Variants in SAV1 observed in about 807,000 individuals in gnomAD.
SAV1 encodes the protein protein salvador homolog 1.
In SAV1, 23 loss-of-function variants were observed where a neutral mutation model predicts 47.3. The observed-to-expected ratio is 0.49, with a 90% CI of 0.35 to 0.69. SAV1 has a LOEUF of 0.69. Among genes scored for constraint, SAV1 ranks in the 30% least tolerant of loss-of-function variants. The probability of loss-of-function intolerance (pLI) is 0.01; values close to 1 mark genes in which losing one functional copy is unlikely to be tolerated. For synonymous variants in SAV1, 155 were observed against 159.2 expected (o/e 0.97, Z 0.20); for missense variants, 448 against 457.4 (o/e 0.98, Z 0.19).
chr14:50,663,802 G>T (rs2039879230), intron 2 of SAV1, among the ~76,000 whole-genome samples: 1 of 152,170 alleles, frequency 6.6e-6, no homozygotes, highest in Non-Finnish European at 1.5e-5. Flanking sequence ...AAAATCACTT[G>T]TCTTTCCGAA....
At chr14:50,667,178 TG>T (rs2039908393) in intron 1 of SAV1, among the ~76,000 whole-genome samples, 1 of 149,244 alleles carries the variant, frequency 6.7e-6, no homozygotes, top group South Asian at 2.1e-4. Context: ...GGACCGGAGG[TG>T]GGGATTGGGA....
intron 4 of SAV1, among the ~76,000 whole-genome samples, chr14:50,636,521 TTC>T (rs2039635780): frequency 6.6e-6 from 1 of 152,176 alleles, no homozygotes; most frequent in South Asian, 2.1e-4. Flanking sequence ...TCACAAAAGA[TTC>T]TGTTTACATA....
At position 50,634,340 on chromosome 14, in the gene SAV1, TTTTA is replaced by T. The variant is rs1566738220; in HGVS notation, c.*839_*842del. 3.7e-6 allele frequency: 1 copy of T among 271,700 alleles called. No individual in the cohort carries two copies. The highest frequency in any genetic ancestry group is 7.6e-6 in the Non-Finnish European group (1 of 132,332). The allele number at this position is 271,700 out of a possible 1,614,324, so 16.8% of individuals were successfully genotyped here. A position where few individuals can be genotyped will look rare whatever the true frequency, so the allele number is the denominator to read the frequency against. On this transcript the variant is annotated 3_prime_UTR_variant, in exon 5 of 5. Transcript: ENST00000324679. ...GCTTTAAAAGGATTCCTTATTTTGT[TTTTA>T]TTTTTTTATTTTTTATTTTTTGAGA...
intron 2 of SAV1, among the ~76,000 whole-genome samples, chr14:50,659,764 T>C (rs1327287938): frequency 6.6e-6 from 1 of 152,178 alleles, no homozygotes; most frequent in Non-Finnish European, 1.5e-5. Flanking sequence ...GAGGATTGCT[T>C]GAGCCCGAGG....
chr14:50,660,262 C>T (rs1595651181), intron 2 of SAV1, among the ~76,000 whole-genome samples: 1 of 152,288 alleles, frequency 6.6e-6, no homozygotes, highest in South Asian at 2.1e-4. Flanking sequence ...GTCCAATCAC[C>T]AGCACCCATC....
At chr14:50,649,688 A>G (rs553660852) in intron 2 of SAV1, among the ~76,000 whole-genome samples, 38 of 152,342 alleles carry the variant, frequency 2.5e-4, no homozygotes, top group South Asian at 6.2e-4. Context: ...TCATACTATT[A>G]TTAATCCTCA....
At chr14:50,647,532 A>C (rs1051326998) in intron 2 of SAV1, among the ~76,000 whole-genome samples, 1 of 152,040 alleles carries the variant, frequency 6.6e-6, no homozygotes, top group African/African-American at 2.4e-5. Context: ...CAGCTACGGC[A>C]CTCCGGTCTG....
chr14:50,639,732 A>C (rs2039666450), intron 4 of SAV1, among the ~76,000 whole-genome samples: 2 of 152,256 alleles, frequency 1.3e-5, no homozygotes, highest in Non-Finnish European at 2.9e-5. Flanking sequence ...CTTATTAAAC[A>C]TGACTATAGA....
intron 3 of SAV1, 68 bp downstream of exon 3, chr14:50,644,676 A>G (rs2039705680): frequency 2.6e-5 from 37 of 1,404,276 alleles, no homozygotes; most frequent in Non-Finnish European, 3.6e-5. Context: ...TTAGATGAAA[A>G]TATCAGTTCA....
chr14:50,653,796 G>A (rs1178557570), intron 2 of SAV1, among the ~76,000 whole-genome samples: 1 of 151,728 alleles, frequency 6.6e-6, no homozygotes, highest in Non-Finnish European at 1.5e-5. Context: ...TTGAACCTGG[G>A]AAGTGGGGGT....
chr14:50,648,824 A>C (rs1340322709), intron 2 of SAV1, among the ~76,000 whole-genome samples: 1 of 152,064 alleles, frequency 6.6e-6, no homozygotes, highest in Non-Finnish European at 1.5e-5. Context: ...AATCACCCCG[A>C]AACTCAGTGG....
intron 1 of SAV1, among the ~76,000 whole-genome samples, chr14:50,667,180 G>A (rs2039908423): frequency 6.6e-6 from 1 of 151,792 alleles, no homozygotes; most frequent in Non-Finnish European, 1.5e-5. Flanking sequence ...ACCGGAGGTG[G>A]GGATTGGGAG....
At chr14:50,637,580 C>T (rs2039644273) in intron 4 of SAV1, 1 of 149,694 alleles carries the variant, frequency 6.7e-6, no homozygotes, top group South Asian at 2.1e-4. Flanking sequence ...AAATATTATA[C>T]TTATTTTTAA....
chr14:50,660,996 A>G (rs2039855233), intron 2 of SAV1, among the ~76,000 whole-genome samples: 2 of 152,216 alleles, frequency 1.3e-5, no homozygotes, highest in South Asian at 4.1e-4. Context: ...GCCGGATCAT[A>G]TGGTAGTTCT....
chr14:50,664,925 TA>T (rs2039888254), intron 2 of SAV1: 1 of 326,084 alleles, frequency 3.1e-6, no homozygotes, highest in East Asian at 6.7e-5. Flanking sequence ...GTCACAGCAT[TA>T]AGAGTCTAGA....
intron 4 of SAV1, among the ~76,000 whole-genome samples, chr14:50,640,399 T>G (rs1853853110): frequency 6.6e-6 from 1 of 152,142 alleles, no homozygotes; most frequent in Admixed American, 6.5e-5. Context: ...GGATTACAGG[T>G]GTGAGCCACT....
At chr14:50,663,941 C>T (rs1244044622) in intron 2 of SAV1, among the ~76,000 whole-genome samples, 2 of 152,188 alleles carry the variant, frequency 1.3e-5, no homozygotes, top group Non-Finnish European at 2.9e-5. Context: ...ACCATGCCTA[C>T]TCTGTTTTCA....
At chr14:50,661,612 T>C (rs568187309) in intron 2 of SAV1, among the ~76,000 whole-genome samples, 22 of 152,214 alleles carry the variant, frequency 1.4e-4, no homozygotes, top group Non-Finnish European at 1.9e-4. Context: ...TGAATTTGCA[T>C]ATGGTGAGAC....
chr14:50,655,318 TTA>T (rs1377726109), intron 2 of SAV1, among the ~76,000 whole-genome samples: 3 of 152,230 alleles, frequency 2.0e-5, no homozygotes, highest in Non-Finnish European at 2.9e-5. Flanking sequence ...TTCAGTGTAT[TTA>T]TATGAGTTAC....
Sources: gnomAD v4.1 joint callset for allele counts (sites outside exome capture counted in the v4.1 genomes callset) on GRCh38, gnomAD v4.1.1 for gene constraint, MANE v1.5 for transcripts, NCBI Gene and HGNC (gene_info 2026-07-23, HGNC 2026-07-21) for gene names.